AKAP6: variants seen among roughly 807,000 people sequenced by gnomAD.
AKAP6 encodes A-kinase anchor protein 6.
In AKAP6, 58 loss-of-function variants were observed where a neutral mutation model predicts 188.5. That is an observed-to-expected ratio of 0.31 (90% CI 0.25 to 0.38). The LOEUF is 0.38. Among genes scored for constraint, AKAP6 ranks in the 10% least tolerant of loss-of-function variants. The pLI, the probability that AKAP6 is intolerant of heterozygous loss-of-function variation, is 1.00. For missense variants in AKAP6, 2,710 were observed against 2,740.0 expected, an observed-to-expected ratio of 0.99 and a Z score of 0.24; for synonymous variants, 989 against 998.6, an observed-to-expected ratio of 0.99 and a Z score of 0.18.
At chr14:32,733,458 A>G (rs2031276783) in intron 10 of AKAP6, 1 of 152,194 alleles carries the variant, frequency 6.6e-6, no homozygotes, top group African/African-American at 2.4e-5. Context: ...GTTATGGAGC[A>G]TAATTTTGCA....
At chr14:32,383,703 A>G (rs989848525) in intron 1 of AKAP6, among the ~76,000 whole-genome samples, 2 of 152,022 alleles carry the variant, frequency 1.3e-5, no homozygotes, top group African/African-American at 4.8e-5. Context: ...TCCTTGGTTG[A>G]TCTCAGTTTT....
intron 7 of AKAP6, among the ~76,000 whole-genome samples, chr14:32,639,132 A>C (rs1343247736): frequency 6.6e-6 from 1 of 152,162 alleles, no homozygotes; most frequent in East Asian, 1.9e-4. Flanking sequence ...TGAGTGGTTC[A>C]CACTAATGTT....
intron 2 of AKAP6, among the ~76,000 whole-genome samples, chr14:32,446,011 AAAGCCTC>A (rs1371680380): frequency 6.6e-6 from 1 of 152,160 alleles, no homozygotes; most frequent in East Asian, 1.9e-4. Context: ...TTTGAGGGAG[AAAGCCTC>A]ACCTCAAAAG....
chr14:32,519,849 A>G (rs554252112), intron 2 of AKAP6, among the ~76,000 whole-genome samples: 36 of 152,318 alleles, frequency 2.4e-4, no homozygotes, highest in African/African-American at 8.7e-4. Flanking sequence ...AGCAGACATA[A>G]TAGACATCTA....
At chr14:32,562,399 A>G (rs527245542) in intron 4 of AKAP6, among the ~76,000 whole-genome samples, 4 of 152,238 alleles carry the variant, frequency 2.6e-5, no homozygotes, top group Admixed American at 2.6e-4. Context: ...AGTTGAGCTA[A>G]CAGAAATACT....
chr14:32,724,535 T>C (rs2030743488), intron 9 of AKAP6, among the ~76,000 whole-genome samples: 2 of 152,212 alleles, frequency 1.3e-5, no homozygotes, highest in African/African-American at 4.8e-5. Flanking sequence ...AGTAAATAAC[T>C]GGTATTGCTA....
At chr14:32,635,584 G>C (rs1259677086) in intron 7 of AKAP6, among the ~76,000 whole-genome samples, 1 of 152,078 alleles carries the variant, frequency 6.6e-6, no homozygotes, top group Non-Finnish European at 1.5e-5. Context: ...GTTGTAGCTA[G>C]ATTAGATTAA....
At chr14:32,380,993 A>G (rs1238933771) in intron 1 of AKAP6, among the ~76,000 whole-genome samples, 3 of 152,176 alleles carry the variant, frequency 2.0e-5, no homozygotes, top group African/African-American at 7.2e-5. Context: ...ACATGCCCTC[A>G]GAGCACCTAG....
At chr14:32,357,271 C>T (rs1046436439) in intron 1 of AKAP6, among the ~76,000 whole-genome samples, 5 of 152,064 alleles carry the variant, frequency 3.3e-5, no homozygotes, top group East Asian at 1.9e-4. Context: ...TACCATGTAA[C>T]GTAATTGGAC....
intron 11 of AKAP6, among the ~76,000 whole-genome samples, chr14:32,763,796 A>G (rs1457385990): frequency 6.6e-6 from 1 of 152,180 alleles, no homozygotes. Context: ...CTGAATCTCT[A>G]TATTGGCTGA....
chr14:32,372,486 A>G (rs1416172749), intron 1 of AKAP6, among the ~76,000 whole-genome samples: 1 of 152,168 alleles, frequency 6.6e-6, no homozygotes, highest in Non-Finnish European at 1.5e-5. Context: ...AATGGCCATA[A>G]CAATGAACTC....
chr14:32,336,046 T>G (rs1471056372), intron 1 of AKAP6, among the ~76,000 whole-genome samples: 1 of 152,038 alleles, frequency 6.6e-6, no homozygotes, highest in Non-Finnish European at 1.5e-5. Context: ...CATTACTGTT[T>G]ATAATAATGA....
intron 11 of AKAP6, 27 bp from the exon 12 acceptor site, chr14:32,773,651 A>C (rs779733209): frequency 6.2e-7 from 1 of 1,606,072 alleles, no homozygotes; most frequent in East Asian, 2.2e-5. Flanking sequence ...ATAAACACTC[A>C]TAGATTGGTT....
intron 7 of AKAP6, among the ~76,000 whole-genome samples, chr14:32,611,003 T>G (rs931414190): frequency 6.6e-6 from 1 of 152,080 alleles, no homozygotes; most frequent in Non-Finnish European, 1.5e-5. Flanking sequence ...GAGGAAGAAC[T>G]GAAAGTCAAG....
intron 11 of AKAP6, among the ~76,000 whole-genome samples, chr14:32,755,709 G>C (rs538848293): frequency 6.6e-6 from 1 of 151,884 alleles, no homozygotes; most frequent in South Asian, 2.1e-4. Context: ...TGAATTTTTT[G>C]TACAGACAAG....
chr14:32,363,949 G>A (rs1054334523), intron 1 of AKAP6, among the ~76,000 whole-genome samples: 3 of 152,208 alleles, frequency 2.0e-5, no homozygotes, highest in African/African-American at 7.2e-5. Flanking sequence ...ATTTGCCTAG[G>A]CAAGAAAGTA....
chr14:32,351,854 A>G (rs1887284265), intron 1 of AKAP6, among the ~76,000 whole-genome samples: 1 of 152,124 alleles, frequency 6.6e-6, no homozygotes, highest in African/African-American at 2.4e-5. Context: ...AATGGTAACC[A>G]CTGATTATCT....
chr14:32,331,348 G>A (rs1886525585), intron 1 of AKAP6, among the ~76,000 whole-genome samples: 1 of 152,016 alleles, frequency 6.6e-6, no homozygotes, highest in Non-Finnish European at 1.5e-5. Context: ...TAAGGGCAGT[G>A]TTAGAAAAAG....
chr14:32,500,309 A>G (rs902073286), intron 2 of AKAP6, among the ~76,000 whole-genome samples: 2 of 152,200 alleles, frequency 1.3e-5, no homozygotes, highest in African/African-American at 4.8e-5. Context: ...TTCATTTGGC[A>G]GATTGCCATG....
Sources: allele counts gnomAD v4.1 joint callset (sites outside exome capture counted in the v4.1 genomes callset), GRCh38; gene constraint gnomAD v4.1.1; transcripts MANE v1.5; gene names NCBI Gene and HGNC (gene_info 2026-07-23, HGNC 2026-07-21).